AR: variants seen among roughly 807,000 people sequenced by gnomAD.
The protein encoded by AR is dihydrotestosterone receptor.
In AR, 8 loss-of-function variants were observed where a neutral mutation model predicts 53.9. The observed-to-expected ratio is 0.15, with a 90% confidence interval of 0.09 to 0.27. AR has a LOEUF of 0.27. Ranked by LOEUF, AR falls within the 10% of genes least tolerant of loss-of-function variation. AR has a pLI of 1.00. For missense variants in AR, 639 were observed against 742.5 expected, an observed-to-expected ratio of 0.86 and a Z score of 1.62; for synonymous variants, 359 against 316.4, an observed-to-expected ratio of 1.13 and a Z score of -1.43.
Position 67,724,583 on chromosome X carries a change from C to A in AR, c.*742C>A, listed in dbSNP as rs772697285. ...AGGGGGGTGGACAGAGAGGAGAGGA[C>A]AAGGAGGGCAATGGAGCATCAGTAC... On this transcript the variant is annotated 3_prime_UTR_variant, in exon 8 of 8. Transcript: ENST00000374690. 1.3e-4 allele frequency: 22 copies of A among 173,193 alleles called. No homozygotes were observed. Among genetic ancestry groups the A allele is most frequent in the South Asian group, 3.3e-4 (1 of 3,055 alleles). The allele number at this position is 173,193 out of a possible 1,213,427, so 14.3% of individuals were successfully genotyped here. A position where few individuals can be genotyped will look rare whatever the true frequency, so the allele number is the denominator to read the frequency against.
intron 1 of AR, among the ~76,000 whole-genome samples, chrX:67,558,605 G>GGGTTA (rs1921159247): frequency 9.0e-6 from 1 of 111,360 alleles, no homozygotes; most frequent in Non-Finnish European, 1.9e-5. Flanking sequence ...TAAAGTAGAG[G>GGGTTA]CAGAGTGATG....
intron 1 of AR, among the ~76,000 whole-genome samples, chrX:67,606,951 A>G (rs965208507): frequency 2.7e-5 from 3 of 112,187 alleles, no homozygotes; most frequent in Non-Finnish European, 5.6e-5. Context: ...TAAGCCTTCT[A>G]TTGGCTCTTT....
chrX:67,677,010 G>A (rs147181229), intron 2 of AR, among the ~76,000 whole-genome samples: 4,976 of 110,289 alleles, frequency 0.045, 130 homozygotes, highest in Non-Finnish European at 0.072. Context: ...AGACAAGGAG[G>A]TGATAGCAAA....
intron 1 of AR, among the ~76,000 whole-genome samples, chrX:67,574,338 A>T (rs1318486487): frequency 9.0e-6 from 1 of 111,344 alleles, no homozygotes; most frequent in Non-Finnish European, 1.9e-5. Context: ...AGAGGCAGCA[A>T]CCATTTACAC....
At chrX:67,689,003 T>G (rs1454946263) in intron 3 of AR, among the ~76,000 whole-genome samples, 1 of 111,494 alleles carries the variant, frequency 9.0e-6, no homozygotes, top group Non-Finnish European at 1.9e-5. Context: ...TTCCCATCAC[T>G]CAAATCAAAA....
intron 1 of AR, among the ~76,000 whole-genome samples, chrX:67,572,153 A>T (rs1921844103): frequency 1.8e-5 from 2 of 111,858 alleles, no homozygotes; most frequent in Non-Finnish European, 3.8e-5. Flanking sequence ...AGTAAAATTT[A>T]TTCAGTTAGG....
At chrX:67,701,961 T>A (rs948580971) in intron 3 of AR, among the ~76,000 whole-genome samples, 1 of 110,825 alleles carries the variant, frequency 9.0e-6, no homozygotes, top group Non-Finnish European at 1.9e-5. Context: ...GAGGCAGGGA[T>A]GATATAACCC....
At chrX:67,621,994 C>A (rs774961282) in intron 1 of AR, among the ~76,000 whole-genome samples, 1 of 111,511 alleles carries the variant, frequency 9.0e-6, no homozygotes, top group African/African-American at 3.3e-5. Flanking sequence ...TTGAAGAAAT[C>A]AAAATGGAGA....
intron 5 of AR, 59 bp downstream of exon 5, chrX:67,717,681 G>T (rs974122421): frequency 4.3e-5 from 51 of 1,181,867 alleles, no homozygotes; most frequent in Admixed American, 4.2e-4. Flanking sequence ...AGACCTGGTT[G>T]GTGGTGATGG....
Position 67,545,316 on chromosome X carries a change from T to TGCAGCAGCAGCAGCTGCAGCA in AR, c.184_185insTGCAGCAGCAGCAGCAGCAGC (p.Gln61_Gln62insLeuGlnGlnGlnGlnGlnGln). The TGCAGCAGCAGCAGCTGCAGCA allele has an allele frequency of 9.9e-7, 1 of 1,014,029 alleles. No individual in the cohort carries two copies. Among genetic ancestry groups the TGCAGCAGCAGCAGCTGCAGCA allele is most frequent in the Non-Finnish European group, 1.3e-6 (1 of 758,062 alleles). The allele number at this position is 1,014,029 out of a possible 1,213,427, so 83.6% of individuals were successfully genotyped here. A position where few individuals can be genotyped will look rare whatever the true frequency, so the allele number is the denominator to read the frequency against. The stretch of plus-strand genomic sequence containing the variant: ...CCTCCCGGCGCCAGTTTGCTGCTGC[T>TGCAGCAGCAGCAGCTGCAGCA]GCAGCAGCAGCAGCAGCAGCAGCAG... On this transcript the variant is annotated inframe_insertion, in exon 1 of 8. Transcript: ENST00000374690.
intron 3 of AR, chrX:67,695,790 C>G: frequency 1.3e-6 from 1 of 745,768 alleles, no homozygotes; most frequent in Non-Finnish European, 1.6e-6. Context: ...CTCTCTCTCC[C>G]CCCCCAACAC....
intron 1 of AR, among the ~76,000 whole-genome samples, chrX:67,592,715 T>A (rs1922893079): frequency 9.1e-6 from 1 of 109,942 alleles, no homozygotes; most frequent in African/African-American, 3.3e-5. Context: ...TTAAGTTATG[T>A]CAATATCTAT....
chrX:67,697,051 CT>C (rs1222105673), intron 3 of AR, among the ~76,000 whole-genome samples: 3 of 111,731 alleles, frequency 2.7e-5, no homozygotes, highest in Admixed American at 9.5e-5. Flanking sequence ...GAAATGGGTC[CT>C]TTTCTTCAAA....
chrX:67,625,971 G>A (rs1046547638), intron 1 of AR, among the ~76,000 whole-genome samples: 1 of 110,834 alleles, frequency 9.0e-6, no homozygotes, highest in Non-Finnish European at 1.9e-5. Context: ...GTATATTTAT[G>A]GGGTATATGA....
chrX:67,687,913 G>A, intron 3 of AR, among the ~76,000 whole-genome samples: 1 of 112,272 alleles, frequency 8.9e-6, no homozygotes, highest in Non-Finnish European at 1.9e-5. Context: ...TAAGCAGCCT[G>A]TGATGTGATT....
intron 1 of AR, among the ~76,000 whole-genome samples, chrX:67,580,477 C>T (rs1294740796): frequency 9.0e-6 from 1 of 111,348 alleles, no homozygotes; most frequent in African/African-American, 3.3e-5. Context: ...ATAAAATTAC[C>T]TTTAAAGTGT....
intron 1 of AR, among the ~76,000 whole-genome samples, chrX:67,547,370 G>A (rs1283870960): frequency 8.9e-6 from 1 of 111,790 alleles, no homozygotes; most frequent in Non-Finnish European, 1.9e-5. Flanking sequence ...TCCAGGGCTG[G>A]AGGTCAGTAG....
chrX:67,578,308 A>G (rs1190332679), intron 1 of AR, among the ~76,000 whole-genome samples: 2 of 111,732 alleles, frequency 1.8e-5, no homozygotes, highest in South Asian at 3.7e-4. Context: ...AAGTATCTCA[A>G]CTAAAACTCT....
intron 3 of AR, among the ~76,000 whole-genome samples, chrX:67,697,594 A>G (rs922274505): frequency 9.0e-6 from 1 of 111,485 alleles, no homozygotes; most frequent in Non-Finnish European, 1.9e-5. Flanking sequence ...CTAGCTAGAG[A>G]TCCATTCTTA....
Sources: allele counts gnomAD v4.1 joint callset (sites outside exome capture counted in the v4.1 genomes callset), GRCh38; gene constraint gnomAD v4.1.1; transcripts MANE v1.5; gene names NCBI Gene and HGNC (gene_info 2026-07-23, HGNC 2026-07-21).